The following STX8 variants were observed in gnomAD, a reference collection of about 807,000 sequenced individuals.
STX8 encodes the protein syntaxin 8, also known as syntaxin-8.
STX8 carries 23 observed loss-of-function variants against 37.5 expected under a neutral mutation model. The observed-to-expected ratio is 0.61, with a 90% CI of 0.44 to 0.87. The LOEUF (loss-of-function observed/expected upper bound fraction) is 0.87. Among genes scored for constraint, STX8 ranks in the 40% least tolerant of loss-of-function variants. The pLI is 0.00. For missense variants in STX8, 313 were observed against 284.7 expected, an observed-to-expected ratio of 1.10 and a Z score of -0.71; for synonymous variants, 115 against 99.1, an observed-to-expected ratio of 1.16 and a Z score of -0.95.
chr17:9,300,906 C>T (rs1209470564), intron 7 of STX8, among the ~76,000 whole-genome samples: 1 of 138,470 alleles, frequency 7.2e-6, no homozygotes, highest in Non-Finnish European at 1.5e-5. Context: ...AATCTCGGCT[C>T]ACTGCAAACT....
intron 6 of STX8, among the ~76,000 whole-genome samples, chr17:9,471,594 T>A (rs62066160): frequency 0.12 from 17,599 of 152,172 alleles, 1,323 homozygotes; most frequent in Non-Finnish European, 0.16. Context: ...CTCTGTTTCA[T>A]TAACACCTGG....
chr17:9,433,890 A>C lies in STX8; in HGVS notation c.542-55237T>G, dbSNP rs147473203. On this transcript the variant is annotated intron_variant, in intron 6 of 7. Coordinates refer to ENST00000306357, the MANE Select transcript of STX8 (RefSeq NM_004853.3). ...AAGAAAGATGCTCTTCTTGAGCATC[A>C]TAAGCAAGGAGAACAGCACAGAAGA... 4.4e-4 allele frequency among the ~76,000 whole-genome samples: 67 copies of C among 152,318 alleles called. 1 individual carries two copies. The highest frequency in any genetic ancestry group is 7.9e-4 in the Non-Finnish European group (54 of 68,032).
intron 7 of STX8, among the ~76,000 whole-genome samples, chr17:9,367,711 T>C (rs1814798884): frequency 6.6e-6 from 1 of 152,178 alleles, no homozygotes; most frequent in Admixed American, 6.5e-5. Context: ...AAATATAGCA[T>C]AATGTTAAAA....
At chr17:9,396,512 A>G (rs996705433) in intron 6 of STX8, among the ~76,000 whole-genome samples, 1 of 151,978 alleles carries the variant, frequency 6.6e-6, no homozygotes, top group African/African-American at 2.4e-5. Flanking sequence ...GGAGTTCAAG[A>G]CCAGCCTGGC....
chr17:9,272,115 T>A (rs939376845), intron 7 of STX8, among the ~76,000 whole-genome samples: 9 of 152,162 alleles, frequency 5.9e-5, no homozygotes, highest in African/African-American at 1.9e-4. Flanking sequence ...CCTCATTTCC[T>A]CTTGACAAAG....
chr17:9,412,009 A>G (rs1044942418), intron 6 of STX8, among the ~76,000 whole-genome samples: 1 of 152,192 alleles, frequency 6.6e-6, no homozygotes, highest in Non-Finnish European at 1.5e-5. Context: ...ATGGAACTCA[A>G]AAGTCTCAAA....
chr17:9,491,418 T>A (rs567112972), intron 6 of STX8, among the ~76,000 whole-genome samples: 2 of 152,226 alleles, frequency 1.3e-5, no homozygotes, highest in African/African-American at 4.8e-5. Flanking sequence ...TGAACAAAGA[T>A]CTTCAAACCC....
intron 4 of STX8, among the ~76,000 whole-genome samples, chr17:9,506,764 A>G (rs1904854319): frequency 6.6e-6 from 1 of 152,078 alleles, no homozygotes; most frequent in Non-Finnish European, 1.5e-5. Flanking sequence ...GAATTCGTAC[A>G]GTTGCACTGC....
chr17:9,351,446 G>A (rs780453403), intron 7 of STX8, among the ~76,000 whole-genome samples: 10 of 151,882 alleles, frequency 6.6e-5, no homozygotes, highest in African/African-American at 1.9e-4. Context: ...TGTGAGCCAC[G>A]GCGCCCGGCC....
intron 2 of STX8, among the ~76,000 whole-genome samples, chr17:9,559,296 TCTTA>T (rs1251304221): frequency 1.3e-5 from 2 of 152,144 alleles, no homozygotes; most frequent in Admixed American, 1.3e-4. Flanking sequence ...CACATGTCAA[TCTTA>T]CTTAGGAATT....
At chr17:9,497,988 A>C (rs1904468268) in intron 5 of STX8, among the ~76,000 whole-genome samples, 1 of 152,214 alleles carries the variant, frequency 6.6e-6, no homozygotes, top group South Asian at 2.1e-4. Context: ...TCAAAAAAGT[A>C]GTTGATGTTG....
intron 6 of STX8, among the ~76,000 whole-genome samples, chr17:9,412,506 C>T (rs1443967825): frequency 2.0e-5 from 3 of 152,094 alleles, no homozygotes; most frequent in Admixed American, 6.5e-5. Flanking sequence ...CTCAAACTCC[C>T]GACCTCAGGT....
chr17:9,468,239 A>G (rs1905700860), intron 6 of STX8, among the ~76,000 whole-genome samples: 1 of 151,954 alleles, frequency 6.6e-6, no homozygotes, highest in Non-Finnish European at 1.5e-5. Context: ...CCTCCCAAGT[A>G]GCTGGGATTA....
chr17:9,321,800 G>A (rs1909587011), intron 7 of STX8, among the ~76,000 whole-genome samples: 1 of 152,136 alleles, frequency 6.6e-6, no homozygotes, highest in African/African-American at 2.4e-5. Flanking sequence ...CTACAGGCAT[G>A]AGCCGCCATG....
chr17:9,434,860 G>T (rs189206619), intron 6 of STX8, among the ~76,000 whole-genome samples: 2 of 152,300 alleles, frequency 1.3e-5, no homozygotes, highest in Non-Finnish European at 2.9e-5. Flanking sequence ...AAGGGGTGGG[G>T]CATTTCTAGA....
chr17:9,427,756 C>A (rs996841058), intron 6 of STX8, among the ~76,000 whole-genome samples: 1 of 152,124 alleles, frequency 6.6e-6, no homozygotes, highest in African/African-American at 2.4e-5. Flanking sequence ...TGCTGGGAGC[C>A]CAGAGTCCTA....
chr17:9,401,992 A>T (rs1912637021), intron 6 of STX8, among the ~76,000 whole-genome samples: 1 of 152,134 alleles, frequency 6.6e-6, no homozygotes. Context: ...CTGTACCAGC[A>T]ATTTCCAGAG....
At chr17:9,520,499 A>G (rs1905303669) in intron 4 of STX8, among the ~76,000 whole-genome samples, 2 of 152,220 alleles carry the variant, frequency 1.3e-5, no homozygotes, top group South Asian at 4.1e-4. Flanking sequence ...TTCTATCCAT[A>G]TTATTTCAAG....
intron 2 of STX8, among the ~76,000 whole-genome samples, chr17:9,561,372 A>C (rs1907222567): frequency 6.6e-6 from 1 of 152,152 alleles, no homozygotes; most frequent in Non-Finnish European, 1.5e-5. Context: ...GAAATTAAGA[A>C]ACAAGGCTGA....
Sources: gnomAD v4.1 joint callset for allele counts (sites outside exome capture counted in the v4.1 genomes callset) on GRCh38, gnomAD v4.1.1 for gene constraint, MANE v1.5 for transcripts, NCBI Gene and HGNC (gene_info 2026-07-23, HGNC 2026-07-21) for gene names.